KIFAP3: variants seen among roughly 807,000 people sequenced by gnomAD.
KIFAP3 encodes kinesin-associated protein 3.
In KIFAP3, 68 loss-of-function variants were observed where a neutral mutation model predicts 106.5. That is an observed-to-expected ratio of 0.64 (90% CI 0.53 to 0.78). The LOEUF (loss-of-function observed/expected upper bound fraction) is 0.78, where lower values mean the gene tolerates loss of function less well. Among genes scored for constraint, KIFAP3 ranks in the 30% least tolerant of loss-of-function variants. The pLI, the probability that KIFAP3 is intolerant of heterozygous loss-of-function variation, is 0.00. For missense variants in KIFAP3, 780 were observed against 941.8 expected (o/e 0.83, Z 2.25); for synonymous variants, 320 against 311.5 (o/e 1.03, Z -0.29).
chr1:169,987,684 G>C (rs1025749033), intron 11 of KIFAP3, among the ~76,000 whole-genome samples: 4 of 151,994 alleles, frequency 2.6e-5, no homozygotes, highest in Non-Finnish European at 4.4e-5. Flanking sequence ...GGGCCATATA[G>C]GACAACTGTG....
chr1:170,001,070 G>A (rs915520693), intron 10 of KIFAP3, among the ~76,000 whole-genome samples: 6 of 151,940 alleles, frequency 3.9e-5, no homozygotes, highest in African/African-American at 1.4e-4. Flanking sequence ...ATTTTCATTT[G>A]TTTTAGTATG....
intron 10 of KIFAP3, among the ~76,000 whole-genome samples, chr1:169,993,008 T>A (rs983780367): frequency 2.0e-5 from 3 of 151,860 alleles, no homozygotes; most frequent in Non-Finnish European, 4.4e-5. Flanking sequence ...AAAAACAATA[T>A]CCTTTTTGAA....
intron 9 of KIFAP3, among the ~76,000 whole-genome samples, chr1:170,023,122 A>G (rs17349740): frequency 0.071 from 10,871 of 152,180 alleles, 428 homozygotes; most frequent in Non-Finnish European, 0.095. Context: ...AACAAAAAAC[A>G]TGTTTGATTA....
At chr1:169,931,140 G>A (rs1367967058) in intron 19 of KIFAP3, among the ~76,000 whole-genome samples, 4 of 151,798 alleles carry the variant, frequency 2.6e-5, no homozygotes, top group Non-Finnish European at 5.9e-5. Context: ...GGCTAGTCTC[G>A]AACTCCTGAA....
At chr1:170,061,552 T>G (rs1004957347) in intron 1 of KIFAP3, among the ~76,000 whole-genome samples, 39 of 152,294 alleles carry the variant, frequency 2.6e-4, no homozygotes, top group Non-Finnish European at 5.6e-4. Flanking sequence ...GGAACAGTTT[T>G]ACACTGTTGG....
chr1:169,970,574 T>C (rs1301910888), intron 17 of KIFAP3, among the ~76,000 whole-genome samples: 2 of 152,102 alleles, frequency 1.3e-5, no homozygotes, highest in Non-Finnish European at 2.9e-5. Flanking sequence ...TGCTTTAAGC[T>C]ACAAATATTC....
At chr1:169,958,665 A>C (rs758150930) in intron 18 of KIFAP3, among the ~76,000 whole-genome samples, 1 of 152,196 alleles carries the variant, frequency 6.6e-6, no homozygotes. Flanking sequence ...CCAGTAATAC[A>C]TTCACATACT....
intron 11 of KIFAP3, among the ~76,000 whole-genome samples, chr1:169,991,228 T>A (rs370891879): frequency 6.6e-6 from 1 of 152,002 alleles, no homozygotes; most frequent in East Asian, 1.9e-4. Context: ...ACACCTGTAG[T>A]CCTAGCTACC....
chr1:170,031,984 A>G lies in KIFAP3; in HGVS notation c.743T>C (p.Val248Ala), dbSNP rs542343317. Residue 248 changes from valine (V) to alanine (A), a missense_variant and splice_region_variant, in exon 8 of 20, where the codon GTT becomes GCT. By Grantham distance (64) the Val-to-Ala change is moderately conservative. Transcript: ENST00000361580. ...QEELSKKKKAVDEDPENQTLR... is the reference protein window; with the variant it reads ...QEELSKKKKAADEDPENQTLR... ...GGTTTGGTTTTCAGGGTCTTCATCA[A>G]GTAAACAACTTGTTAAGGATCATCC... 1.3e-6 allele frequency: 2 copies of G among 1,589,534 alleles called. No homozygotes were observed. The highest frequency in any genetic ancestry group is 1.7e-6 in the Non-Finnish European group (2 of 1,159,716).
chr1:169,998,613 C>T (rs377533266), intron 10 of KIFAP3, among the ~76,000 whole-genome samples: 2 of 152,120 alleles, frequency 1.3e-5, no homozygotes, highest in African/African-American at 4.8e-5. Flanking sequence ...TAATTCCCCC[C>T]CTTTTTGTAA....
At chr1:170,071,088 A>C (rs1329708520) in intron 1 of KIFAP3, among the ~76,000 whole-genome samples, 1 of 152,234 alleles carries the variant, frequency 6.6e-6, no homozygotes, top group Non-Finnish European at 1.5e-5. Flanking sequence ...AGAAAATAAC[A>C]GGTGTTAGTG....
chr1:169,978,015 A>G, intron 16 of KIFAP3, 70 bp downstream of exon 16: 2 of 1,038,432 alleles, frequency 1.9e-6, no homozygotes, highest in Non-Finnish European at 2.9e-6. Context: ...CAAAAAAAAA[A>G]ACAACTCAAA....
chr1:170,064,521 GT>G (rs1461375263), intron 1 of KIFAP3, among the ~76,000 whole-genome samples: 1 of 152,106 alleles, frequency 6.6e-6, no homozygotes, highest in East Asian at 1.9e-4. Flanking sequence ...GCCCAGCTAA[GT>G]TTTGTATTTT....
chr1:169,937,895 C>A (rs1340270239), intron 19 of KIFAP3, among the ~76,000 whole-genome samples: 1 of 151,816 alleles, frequency 6.6e-6, no homozygotes, highest in African/African-American at 2.4e-5. Flanking sequence ...TATGTGACTT[C>A]CAAGCATGTT....
At chr1:170,045,454 A>G (rs1005426238) in intron 3 of KIFAP3, among the ~76,000 whole-genome samples, 4 of 152,200 alleles carry the variant, frequency 2.6e-5, no homozygotes, top group Non-Finnish European at 5.9e-5. Context: ...AGTCAACTTA[A>G]AAGAGCCTAT....
upstream of KIFAP3, among the ~76,000 whole-genome samples, chr1:170,075,153 C>CA (rs1347588135): frequency 1.3e-5 from 2 of 152,254 alleles, no homozygotes; most frequent in East Asian, 1.9e-4. Flanking sequence ...ACAACAGCAA[C>CA]AAAAAACAGT....
chr1:169,992,114 T>C (rs754556816), intron 11 of KIFAP3, 41 bp downstream of exon 11: 2 of 952,108 alleles, frequency 2.1e-6, no homozygotes, highest in Non-Finnish European at 3.0e-6. Flanking sequence ...AAAATATATA[T>C]ATTTGTTAAA....
rs571525651 is a variant in KIFAP3, at chr1:170,061,955, T to C, written c.33-6519A>G. Among the ~76,000 whole-genome samples the C allele has an allele frequency of 6.1e-4, 93 of 152,050 alleles. 1 individual carries two copies. The highest frequency in any genetic ancestry group is 3.5e-3 in the East Asian group (18 of 5,170). On this transcript the variant is annotated intron_variant, in intron 1 of 19. Transcript: ENST00000361580. ...GCATGTTCTCACTCATAGGTGGGAA[T>C]TGAACAATGAGAACACTTGGACACA...
chr1:169,930,623 A>C (rs1405719965), intron 19 of KIFAP3, among the ~76,000 whole-genome samples: 2 of 152,188 alleles, frequency 1.3e-5, no homozygotes, highest in Admixed American at 6.5e-5. Flanking sequence ...GGGCTGGTGA[A>C]TTAACATCAT....
Sources: allele counts gnomAD v4.1 joint callset (sites outside exome capture counted in the v4.1 genomes callset), GRCh38; gene constraint gnomAD v4.1.1; transcripts MANE v1.5; gene names NCBI Gene and HGNC (gene_info 2026-07-23, HGNC 2026-07-21).